The following KREMEN1 variants were observed in gnomAD, a reference collection of about 807,000 sequenced individuals.
The protein encoded by KREMEN1 is kremen protein 1.
A neutral mutation model predicts 46.5 loss-of-function variants in KREMEN1; 30 were observed. The observed-to-expected ratio is 0.65, with a 90% CI of 0.48 to 0.88. The LOEUF (loss-of-function observed/expected upper bound fraction) is 0.88, where lower values mean the gene tolerates loss of function less well. Ranked by LOEUF, KREMEN1 falls within the 40% of genes least tolerant of loss-of-function variation. The pLI is 0.00. For synonymous variants in KREMEN1, 214 were observed against 230.6 expected (o/e 0.93, Z 0.65); for missense variants, 533 against 596.9 (o/e 0.89, Z 1.11).
chr22:29,158,795 C>T (rs2145873464), intron 9 of KREMEN1, among the ~76,000 whole-genome samples: 1 of 152,260 alleles, frequency 6.6e-6, no homozygotes, highest in Admixed American at 6.5e-5. Context: ...AGATGATCGG[C>T]AGTAGTGGTC....
chr22:29,102,442 A>C (rs1051011574), intron 3 of KREMEN1, among the ~76,000 whole-genome samples: 2 of 152,264 alleles, frequency 1.3e-5, no homozygotes, highest in African/African-American at 4.8e-5. Context: ...AAAGAAGCAG[A>C]GGGAGAGGAA....
intron 9 of KREMEN1, among the ~76,000 whole-genome samples, chr22:29,161,749 G>C (rs2039013686): frequency 6.6e-6 from 1 of 151,972 alleles, no homozygotes; most frequent in Admixed American, 6.6e-5. Flanking sequence ...AAAAAAGAAA[G>C]CTTCAGGCCA....
exon 10 of KREMEN1, chr22:29,167,050 C>G (rs1048694467): frequency 1.9e-6 from 3 of 1,551,476 alleles, no homozygotes; most frequent in Non-Finnish European, 2.6e-6. Flanking sequence ...CCAGGCAATT[C>G]AGGACTCGGA....
In KREMEN1 at chr22:29,137,635, C is replaced by T. The variant is rs762595574; in HGVS notation, c.925C>T (p.Arg309Cys). The T allele has an allele frequency of 1.6e-5, 26 of 1,608,374 alleles. No individual in the cohort carries two copies. The highest frequency in any genetic ancestry group is 5.3e-5 in the African/African-American group (4 of 74,844). ...DFVILYFFSD[R>C]INQAQGFAVL... ...CGTCATCTTGTATTTCTTCTCTGAT[C>T]GCATCAATCAGGCCCAGGGATTTGC... Residue 309 changes from arginine to cysteine, a missense_variant, in exon 6 of 9, where the codon CGC (arginine) becomes TGC (cysteine). Coordinates refer to ENST00000400335, the MANE Select transcript of KREMEN1 (RefSeq NM_001039570.3).
chr22:29,106,321 C>T (rs967063335), intron 3 of KREMEN1, among the ~76,000 whole-genome samples: 8 of 151,580 alleles, frequency 5.3e-5, no homozygotes, highest in East Asian at 3.9e-4. Context: ...CCCGGGTTCA[C>T]GCCATTCTCC....
At chr22:29,091,476 A>G (rs1672577716) in intron 1 of KREMEN1, among the ~76,000 whole-genome samples, 1 of 152,186 alleles carries the variant, frequency 6.6e-6, no homozygotes, top group African/African-American at 2.4e-5. Context: ...TATATATTTA[A>G]GGGGTACAGT....
At chr22:29,082,030 T>A (rs1003025950) in intron 1 of KREMEN1, among the ~76,000 whole-genome samples, 2 of 152,042 alleles carry the variant, frequency 1.3e-5, no homozygotes, top group African/African-American at 4.8e-5. Context: ...TTTCTTGCCA[T>A]CTGACATTAA....
intron 5 of KREMEN1, 59 bp downstream of exon 5, chr22:29,125,475 C>T: frequency 6.4e-7 from 1 of 1,555,166 alleles, no homozygotes; most frequent in Non-Finnish European, 8.8e-7. Flanking sequence ...ACCAGAGCAA[C>T]AAGCCTGCCC....
intron 5 of KREMEN1, among the ~76,000 whole-genome samples, chr22:29,132,582 T>C (rs553201931): frequency 1.4e-4 from 21 of 152,246 alleles, no homozygotes; most frequent in Non-Finnish European, 2.8e-4. Context: ...CTAGTAGGTA[T>C]GTAGTAGTAT....
chr22:29,073,230 G>A lies in KREMEN1; in HGVS notation c.97+3G>A. 1 of 1,153,132 alleles carries A rather than the reference G, an allele frequency of 8.7e-7. No individual in the cohort carries two copies. Among genetic ancestry groups the A allele is most frequent in the South Asian group, 4.2e-5 (1 of 23,864 alleles). The allele number at this position is 1,153,132 out of a possible 1,614,324, so 71.4% of individuals were successfully genotyped here. On this transcript the variant is annotated splice_donor_region_variant and intron_variant, in intron 1 of 8. Coordinates refer to ENST00000400335, the MANE Select transcript of KREMEN1 (RefSeq NM_001039570.3). The surrounding 1 kb of genome is among the most constrained non-coding windows in gnomAD (Gnocchi z 4.4). ...CCCCGGCCTCGGCCCCGGACCCGGT[G>A]AGTGTGAGCGACCCCCCGCCGCCCG...
chr22:29,158,284 A>G (rs994409596), intron 9 of KREMEN1, among the ~76,000 whole-genome samples: 4 of 152,186 alleles, frequency 2.6e-5, no homozygotes, highest in African/African-American at 7.2e-5. Flanking sequence ...GGAGCAAGAG[A>G]CAGAGTCCCC....
chr22:29,121,383 G>A lies in KREMEN1; in HGVS notation c.379G>A (p.Asp127Asn), dbSNP rs760303039. 13 of 1,613,804 alleles carry A rather than the reference G, an allele frequency of 8.1e-6. No homozygotes were observed. The South Asian group carries it at 1.2e-4, about 15-fold the overall frequency. The change falls in exon 4 of 9, where the codon GAT becomes AAT. Residue 127 changes from aspartate (D) to asparagine (N), a missense_variant. By Grantham distance (23) the Asp-to-Asn change is conservative. Transcript: ENST00000400335. ...QMPGNLGCYKDHGNPPPLTGT... is the reference protein window; with the variant it reads ...QMPGNLGCYKNHGNPPPLTGT... The stretch of plus-strand genomic sequence containing the variant: ...GCCTGGAAACCTTGGCTGCTACAAG[G>A]ATCATGGAAACCCACCTCCTCTAAC...
At chr22:29,154,001 G>A (rs2038940237) in intron 9 of KREMEN1, among the ~76,000 whole-genome samples, 1 of 151,162 alleles carries the variant, frequency 6.6e-6, no homozygotes, top group Non-Finnish European at 1.5e-5. Context: ...AAGAGATACA[G>A]CAGTAGTTTC....
At position 29,145,345 on chromosome 22, in the gene KREMEN1, G is replaced by A. The variant is rs1302614315; in HGVS notation, c.*3233G>A. The A allele has an allele frequency of 5.1e-6, 5 of 985,506 alleles. No individual in the cohort carries two copies. The highest frequency in any genetic ancestry group is 5.2e-4 in the Middle Eastern group (1 of 1,916). 61.0% of individuals were successfully genotyped at this position (985,506 alleles called of 1,614,324 possible). A position where few individuals can be genotyped will look rare whatever the true frequency, so the allele number is the denominator to read the frequency against. ...GCAGGAGAGGCAGGGGAGGGGCTTC[G>A]GGGACCACTGTGGACAGAGCTCTGA... On this transcript the variant is annotated 3_prime_UTR_variant, in exon 9 of 9. Transcript: ENST00000400335.
Position 29,137,423 on chromosome 22 carries a change from C to A in KREMEN1, c.713C>A (p.Thr238Lys). Residue 238 changes from threonine to lysine, a missense_variant, in exon 6 of 9, where the codon ACG (threonine) becomes AAG (lysine). Transcript: ENST00000400335. Reference protein sequence around the residue: ...YSPDFPDTYATGRVCYWTIRV... With the variant: ...YSPDFPDTYAKGRVCYWTIRV... ...CCTGACTTCCCCGACACCTATGCCA[C>A]GGGGAGGGTCTGCTACTGGACCATC... 6.3e-7 allele frequency: 1 copy of A among 1,584,114 alleles called. No homozygotes were observed. The highest frequency in any genetic ancestry group is 8.6e-7 in the Non-Finnish European group (1 of 1,156,724).
At chr22:29,148,571 A>G (rs1426189934), downstream of KREMEN1, among the ~76,000 whole-genome samples, 3 of 151,396 alleles carry the variant, frequency 2.0e-5, no homozygotes, top group Non-Finnish European at 2.9e-5. Context: ...CTCCTGCCTC[A>G]GCCTCCCGGA....
In KREMEN1 at chr22:29,074,446, G is replaced by A. The variant is rs528099257; in HGVS notation, c.97+1219G>A. Reference sequence around the variant, plus strand: ...GGCCAAGGCCAGGTCTTCCCGAGGTGAGGCCCTGGACCAGGATGAAGCTTG... The same window carrying A: ...GGCCAAGGCCAGGTCTTCCCGAGGTAAGGCCCTGGACCAGGATGAAGCTTG... On this transcript the variant is annotated intron_variant, in intron 1 of 8. Coordinates refer to ENST00000400335, the MANE Select transcript of KREMEN1 (RefSeq NM_001039570.3). 6.6e-5 allele frequency among the ~76,000 whole-genome samples: 10 copies of A among 152,376 alleles called. No homozygotes were observed. In the South Asian group the frequency reaches 2.1e-3, roughly 32 times the overall value.
At chr22:29,114,712 A>C (rs1337807396) in intron 3 of KREMEN1, among the ~76,000 whole-genome samples, 2 of 152,182 alleles carry the variant, frequency 1.3e-5, no homozygotes, top group African/African-American at 4.8e-5. Context: ...GCGTGGACTG[A>C]GACAGCAACC....
intron 9 of KREMEN1, among the ~76,000 whole-genome samples, chr22:29,155,261 G>A (rs2038951424): frequency 1.3e-5 from 2 of 152,208 alleles, no homozygotes; most frequent in Admixed American, 1.3e-4. Flanking sequence ...GAGGCCAGGG[G>A]CAGTTGCTTA....
Sources: gnomAD v4.1 joint callset for allele counts (sites outside exome capture counted in the v4.1 genomes callset) on GRCh38, gnomAD v4.1.1 for gene constraint, Gnocchi (gnomAD v3.1) non-coding constraint, MANE v1.5 for transcripts, NCBI Gene and HGNC (gene_info 2026-07-23, HGNC 2026-07-21) for gene names.